Variants in SYNE2 observed in about 807,000 individuals in gnomAD.
SYNE2 encodes the protein spectrin repeat containing nuclear envelope protein 2.
In SYNE2, 431 loss-of-function variants were observed where a neutral mutation model predicts 856.3. The ratio of observed to expected loss-of-function variants is 0.50; its 90% confidence interval spans 0.47 to 0.55. SYNE2 has a LOEUF of 0.55. Ranked by LOEUF, SYNE2 falls within the 20% of genes least tolerant of loss-of-function variation. SYNE2 has a pLI of 0.00. For missense variants in SYNE2, 8,129 were observed against 8,023.2 expected (o/e 1.01, Z -0.50); for synonymous variants, 2,923 against 2,872.3 (o/e 1.02, Z -0.56).
chr14:64,178,649 G>T (rs924046265), intron 96 of SYNE2, among the ~76,000 whole-genome samples: 3 of 152,190 alleles, frequency 2.0e-5, no homozygotes, highest in Non-Finnish European at 4.4e-5. Context: ...TGTAGAGACA[G>T]GGTTTTGCCA....
At chr14:63,959,838 A>G (rs940644117) in intron 8 of SYNE2, among the ~76,000 whole-genome samples, 2 of 151,788 alleles carry the variant, frequency 1.3e-5, no homozygotes, top group Non-Finnish European at 2.9e-5. Context: ...CCAAATCTTT[A>G]TTATTAGTAT....
At chr14:64,182,958 C>T (rs1278692549) in intron 96 of SYNE2, among the ~76,000 whole-genome samples, 5 of 151,910 alleles carry the variant, frequency 3.3e-5, no homozygotes, top group African/African-American at 7.2e-5. Context: ...CCAGAAGGGG[C>T]GGCCGGGCAG....
chr14:63,852,930 G>C (rs1184707752), upstream of SYNE2: 1 of 151,986 alleles, frequency 6.6e-6, no homozygotes, highest in African/African-American at 2.4e-5. Flanking sequence ...GCGGGACCCG[G>C]AGGCGGGCGG....
intron 18 of SYNE2, 64 bp from the exon 19 acceptor site, chr14:63,986,392 A>C (rs2096625848): frequency 7.6e-6 from 12 of 1,584,234 alleles, no homozygotes; most frequent in Non-Finnish European, 1.0e-5. Context: ...AACTTTTTGA[A>C]AAGGAAAATT....
chr14:63,868,780 T>A (rs2140333936), intron 1 of SYNE2, among the ~76,000 whole-genome samples: 1 of 152,242 alleles, frequency 6.6e-6, no homozygotes, highest in African/African-American at 2.4e-5. Context: ...AAAAATTCCT[T>A]AAAAGGCATT....
intron 78 of SYNE2, among the ~76,000 whole-genome samples, chr14:64,137,470 C>T (rs1018685975): frequency 3.5e-4 from 54 of 152,152 alleles, no homozygotes; most frequent in African/African-American, 1.1e-3. Context: ...AGCCTGGTCT[C>T]GAACTGCAGA....
At chr14:64,148,781 G>C (rs1010929612) in intron 84 of SYNE2, among the ~76,000 whole-genome samples, 1 of 152,124 alleles carries the variant, frequency 6.6e-6, no homozygotes, top group Admixed American at 6.6e-5. Context: ...GTAGCATCAT[G>C]TGTCAGAGAC....
chr14:63,842,297 G>C (rs369643710), intron 1 of SYNE2, among the ~76,000 whole-genome samples: 4 of 151,776 alleles, frequency 2.6e-5, no homozygotes, highest in Non-Finnish European at 5.9e-5. Flanking sequence ...CCAGACTCAC[G>C]AGTAGCTGGG....
At position 64,073,750 on chromosome 14, in the gene SYNE2, G is replaced by A. The variant is rs955606947; in HGVS notation, c.10698-218G>A. On this transcript the variant is annotated intron_variant, in intron 52 of 115. Coordinates refer to ENST00000555002, the MANE Select transcript of SYNE2 (RefSeq NM_182914.3). ...AGTGTGAAAAGAGAGTATTTGAGGCGAAAGATTTGGAGAGGTTTTTGATTA... is the reference window on the plus strand; with the variant it reads ...AGTGTGAAAAGAGAGTATTTGAGGCAAAAGATTTGGAGAGGTTTTTGATTA... 2.6e-5 allele frequency among the ~76,000 whole-genome samples: 4 copies of A among 152,206 alleles called. No homozygotes were observed. In the East Asian group the frequency reaches 5.8e-4, roughly 22 times the overall value.
rs768761260 is a variant in SYNE2, at chr14:64,221,599, T to G, written c.20085T>G (p.Asn6695Lys). 1 of 1,614,184 alleles carries G rather than the reference T, an allele frequency of 6.2e-7. No individual in the cohort carries two copies. Among genetic ancestry groups the G allele is most frequent in the Non-Finnish European group, 8.5e-7 (1 of 1,180,028 alleles). Residue 6695 changes from asparagine (N) to lysine (K), a missense_variant, in exon 112 of 116, where the codon AAT (asparagine) becomes AAG (lysine). Around this residue, in one of 3 missense-constraint regions of SYNE2, gnomAD observed 5,410 missense variants for 5,284.8 expected, o/e 1.02. Transcript: ENST00000555002. ...QCQDFHQLSQ[N>K]LLLWLASAKN... ...AGGACTTCCACCAGTTGAGTCAAAA[T>G]CTGCTGCTGTGGTTAGCGAGTGCCA...
At chr14:64,074,877 T>C (rs1324101436) in intron 53 of SYNE2, among the ~76,000 whole-genome samples, 1 of 63,830 alleles carries the variant, frequency 1.6e-5, no homozygotes, top group Non-Finnish European at 5.9e-5. Flanking sequence ...CCTGGCTCCA[T>C]CTCAAAAAAA....
At chr14:63,853,505 C>T (rs1000929737) in intron 1 of SYNE2, among the ~76,000 whole-genome samples, 8 of 151,758 alleles carry the variant, frequency 5.3e-5, no homozygotes, top group Non-Finnish European at 8.8e-5. Flanking sequence ...CCCGGGTGCC[C>T]CGGCCGCCCC....
chr14:64,155,770 T>C (rs1226528910), intron 85 of SYNE2, among the ~76,000 whole-genome samples: 1 of 152,082 alleles, frequency 6.6e-6, no homozygotes, highest in East Asian at 1.9e-4. Flanking sequence ...CCACAAAAAG[T>C]AAATAAAGTT....
rs1162009940 is a variant in SYNE2, at chr14:64,212,063, G to A, written c.18826G>A (p.Glu6276Lys). ...LQLTNVEHFS[E>K]SDADDKMRQL... is the part of the protein sequence containing the mutation. Reference sequence around the variant, plus strand: ...GCTGACCAACGTGGAGCACTTCTCAGAGAGTGACGCCGATGACAAGATGCG... The same window carrying A: ...GCTGACCAACGTGGAGCACTTCTCAAAGAGTGACGCCGATGACAAGATGCG... The change falls in exon 104 of 116, where the codon GAG becomes AAG. Residue 6276 changes from glutamate (E) to lysine (K), a missense_variant. Glu to Lys is a moderately conservative substitution (Grantham distance 56). This residue lies in a region of SYNE2 where 5,410 missense variants were observed against 5,284.8 expected (regional missense o/e 1.02). Transcript: ENST00000555002. The A allele has an allele frequency of 2.5e-6, 4 of 1,614,216 alleles. No homozygotes were observed. The highest frequency in any genetic ancestry group is 3.4e-6 in the Non-Finnish European group (4 of 1,180,034).
chr14:64,022,713 T>A, intron 37 of SYNE2, 38 bp from the exon 38 acceptor site: 1 of 1,044,996 alleles, frequency 9.6e-7, no homozygotes, highest in Non-Finnish European at 1.5e-6. Context: ...GTATGAAGTC[T>A]TCCTTGAATG....
intron 1 of SYNE2, among the ~76,000 whole-genome samples, chr14:63,866,960 A>G (rs1482291569): frequency 1.3e-5 from 2 of 151,958 alleles, no homozygotes; most frequent in East Asian, 3.8e-4. Context: ...TCTCTCCAAC[A>G]AAAAAAGAAA....
intron 99 of SYNE2, among the ~76,000 whole-genome samples, chr14:64,195,649 C>A (rs907497775): frequency 6.6e-6 from 1 of 152,236 alleles, no homozygotes; most frequent in African/African-American, 2.4e-5. Flanking sequence ...ACGACCGTGG[C>A]AGTTGTGTGT....
At chr14:63,853,887 C>T (rs1303932331) in intron 1 of SYNE2, among the ~76,000 whole-genome samples, 2 of 152,040 alleles carry the variant, frequency 1.3e-5, no homozygotes, top group African/African-American at 4.8e-5. Flanking sequence ...GCACCTTCTC[C>T]TCCTTAGGTT....
rs779281192 is a variant in SYNE2 at position 64,056,239 on chromosome 14, T to TCAAAG, written c.10043_10047dup (p.Gln3350LysfsTer50). The TCAAAG allele has an allele frequency of 6.2e-7, 1 of 1,614,116 alleles. No homozygotes were observed. Among genetic ancestry groups the TCAAAG allele is most frequent in the South Asian group, 1.1e-5 (1 of 91,072 alleles). ...AAGAACTCAGCAATGAAGGAAGCTT[T>TCAAAG]CAAAGCACAGGAAACTGAGGCAGAA... On this transcript the variant is annotated frameshift_variant, in exon 49 of 116. Transcript: ENST00000555002. LOFTEE classifies it high-confidence loss of function.
Sources: allele counts gnomAD v4.1 joint callset (sites outside exome capture counted in the v4.1 genomes callset), GRCh38; gene constraint gnomAD v4.1.1; regional missense constraint gnomAD v4.1.1; transcripts MANE v1.5; gene names NCBI Gene and HGNC (gene_info 2026-07-23, HGNC 2026-07-21).